ST6GALNAC3: variants seen among roughly 807,000 people sequenced by gnomAD.
ST6GALNAC3 encodes the protein alpha-N-acetylgalactosaminide alpha-2,6-sialyltransferase 3.
In ST6GALNAC3, 25 loss-of-function variants were observed where a neutral mutation model predicts 32.7. The observed-to-expected ratio is 0.76, with a 90% CI of 0.56 to 1.07. The LOEUF (loss-of-function observed/expected upper bound fraction) is 1.07. Ranked by LOEUF, ST6GALNAC3 falls within the 50% of genes least tolerant of loss-of-function variation. ST6GALNAC3 has a pLI of 0.00. For synonymous variants in ST6GALNAC3, 129 were observed against 133.1 expected (o/e 0.97, Z 0.21); for missense variants, 355 against 382.4 (o/e 0.93, Z 0.60).
intron 1 of ST6GALNAC3, among the ~76,000 whole-genome samples, chr1:76,238,300 C>T (rs1656772153): frequency 2.0e-5 from 3 of 152,182 alleles, no homozygotes; most frequent in Non-Finnish European, 4.4e-5. Flanking sequence ...AATTTCATCA[C>T]TCAGACAGAT....
chr1:76,201,773 G>A (rs1298564228), intron 1 of ST6GALNAC3, among the ~76,000 whole-genome samples: 1 of 152,120 alleles, frequency 6.6e-6, no homozygotes, highest in African/African-American at 2.4e-5. Context: ...GCAGAAAGGA[G>A]ATAAACAAGT....
At position 76,310,091 on chromosome 1, in the gene ST6GALNAC3, G is replaced by A. The variant is rs367552255; in HGVS notation, c.19-3714G>A. On this transcript the variant is annotated intron_variant, in intron 1 of 4. Transcript: ENST00000328299. ...TAGCAACCAAGAGAACCAGAGAGCC[G>A]TGCTGAGCTCTGAATAAACAAAAGC... 35 of 423,640 alleles carry A rather than the reference G, an allele frequency of 8.3e-5. 1 individual carries two copies. The highest frequency in any genetic ancestry group is 1.4e-4 in the African/African-American group (7 of 48,442). 26.2% of individuals were successfully genotyped at this position (423,640 alleles called of 1,614,324 possible).
At chr1:76,077,469 T>A (rs921147394) in intron 1 of ST6GALNAC3, among the ~76,000 whole-genome samples, 4 of 152,080 alleles carry the variant, frequency 2.6e-5, no homozygotes, top group Non-Finnish European at 5.9e-5. Context: ...GCTTCCTATA[T>A]AAGAAATAAA....
At chr1:76,081,952 G>A (rs1646901614) in intron 1 of ST6GALNAC3, among the ~76,000 whole-genome samples, 1 of 152,252 alleles carries the variant, frequency 6.6e-6, no homozygotes, top group Admixed American at 6.5e-5. Context: ...TAGGCATGAA[G>A]TGGAAATGGC....
chr1:76,477,965 A>G (rs1461373456), intron 3 of ST6GALNAC3, among the ~76,000 whole-genome samples: 1 of 152,042 alleles, frequency 6.6e-6, no homozygotes, highest in African/African-American at 2.4e-5. Flanking sequence ...CTGTGATCAG[A>G]AAAAAAATGT....
chr1:76,623,904 C>T lies in ST6GALNAC3; in HGVS notation c.624-3548C>T, dbSNP rs114624638. The stretch of plus-strand genomic sequence containing the variant: ...TCCTCTAGGGACCCAGATTACTAGG[C>T]ATTTATTTGGAAGAATTCCTGGATT... On this transcript the variant is annotated intron_variant, in intron 3 of 4. Transcript: ENST00000328299. Among the ~76,000 whole-genome samples, 452 of 151,996 alleles carry T rather than the reference C, an allele frequency of 3.0e-3. 5 individuals carry two copies. Among genetic ancestry groups the T allele is most frequent in the African/African-American group, 0.011 (436 of 41,498 alleles).
chr1:76,543,780 T>G (rs566069023), intron 3 of ST6GALNAC3, among the ~76,000 whole-genome samples: 1 of 152,210 alleles, frequency 6.6e-6, no homozygotes, highest in Non-Finnish European at 1.5e-5. Flanking sequence ...AGCCGATGTA[T>G]CTTTTTCAAC....
chr1:76,385,929 G>A (rs1034522676), intron 2 of ST6GALNAC3, among the ~76,000 whole-genome samples: 1 of 152,022 alleles, frequency 6.6e-6, no homozygotes, highest in African/African-American at 2.4e-5. Context: ...TTATGACCCT[G>A]AGTTTGCCAT....
At chr1:76,192,225 A>G (rs960958800) in intron 1 of ST6GALNAC3, among the ~76,000 whole-genome samples, 2 of 152,196 alleles carry the variant, frequency 1.3e-5, no homozygotes, top group African/African-American at 4.8e-5. Flanking sequence ...CCAAAAAGGC[A>G]GAGCTGCTTT....
At chr1:76,238,620 G>A (rs1656792385) in intron 1 of ST6GALNAC3, among the ~76,000 whole-genome samples, 1 of 152,146 alleles carries the variant, frequency 6.6e-6, no homozygotes, top group African/African-American at 2.4e-5. Flanking sequence ...TAGACAATAG[G>A]CAGAGAGCAG....
chr1:76,106,550 G>A (rs1052544590), intron 1 of ST6GALNAC3, among the ~76,000 whole-genome samples: 10 of 152,164 alleles, frequency 6.6e-5, no homozygotes, highest in African/African-American at 2.4e-4. Context: ...GGCCCCCAAT[G>A]CTTTGTGTAG....
chr1:76,246,564 T>C (rs1313278820), intron 1 of ST6GALNAC3, among the ~76,000 whole-genome samples: 8 of 151,682 alleles, frequency 5.3e-5, no homozygotes, highest in Non-Finnish European at 1.2e-4. Flanking sequence ...TTCCTTTCCA[T>C]ATTTAGTGCT....
chr1:76,267,055 G>A (rs576985182), intron 1 of ST6GALNAC3, among the ~76,000 whole-genome samples: 3 of 152,292 alleles, frequency 2.0e-5, no homozygotes, highest in African/African-American at 4.8e-5. Context: ...CCCAACCTTG[G>A]CCAAGTGCCC....
At chr1:76,464,247 G>A (rs777694656) in intron 3 of ST6GALNAC3, among the ~76,000 whole-genome samples, 1 of 152,042 alleles carries the variant, frequency 6.6e-6, no homozygotes, top group African/African-American at 2.4e-5. Flanking sequence ...AAAGACTTAC[G>A]TATTTGTACG....
intron 1 of ST6GALNAC3, among the ~76,000 whole-genome samples, chr1:76,145,092 A>G (rs1378687382): frequency 1.3e-5 from 2 of 152,218 alleles, no homozygotes; most frequent in Non-Finnish European, 2.9e-5. Flanking sequence ...TCTCCTCTTT[A>G]TAATTTTTAG....
intron 2 of ST6GALNAC3, among the ~76,000 whole-genome samples, chr1:76,403,521 G>A (rs1027844697): frequency 3.9e-5 from 6 of 151,940 alleles, no homozygotes; most frequent in African/African-American, 4.8e-5. Context: ...GGCATCTATT[G>A]GAATCACATG....
At chr1:76,184,448 A>G (rs950706505) in intron 1 of ST6GALNAC3, among the ~76,000 whole-genome samples, 3 of 151,594 alleles carry the variant, frequency 2.0e-5, no homozygotes, top group African/African-American at 7.3e-5. Context: ...CCGAGGCAGG[A>G]GAATTGCTTG....
Position 76,352,048 on chromosome 1 carries a change from G to A in ST6GALNAC3, c.213+38049G>A, listed in dbSNP as rs377392846. Among the ~76,000 whole-genome samples, 7 of 151,970 alleles carry A rather than the reference G, an allele frequency of 4.6e-5. No homozygotes were observed. The East Asian group carries it at 1.3e-3, about 29-fold the overall frequency. ...TGCAGTATCAAATTTCATGTGGGAG[G>A]GGGTATAAGTAGGATAAAATTGTCT... On this transcript the variant is annotated intron_variant, in intron 2 of 4. Transcript: ENST00000328299.
intron 1 of ST6GALNAC3, among the ~76,000 whole-genome samples, chr1:76,141,805 A>G (rs1455345393): frequency 6.6e-6 from 1 of 152,182 alleles, no homozygotes; most frequent in African/African-American, 2.4e-5. Context: ...CATGACAACC[A>G]TTATGTAAGG....
Sources: allele counts gnomAD v4.1 joint callset (sites outside exome capture counted in the v4.1 genomes callset), GRCh38; gene constraint gnomAD v4.1.1; transcripts MANE v1.5; gene names NCBI Gene and HGNC (gene_info 2026-07-23, HGNC 2026-07-21).